GALNT15: variants seen among roughly 807,000 people sequenced by gnomAD.
GALNT15 encodes the protein UDP-GalNAc transferase T15.
A neutral mutation model predicts 66.8 loss-of-function variants in GALNT15; 67 were observed. The ratio of observed to expected loss-of-function variants is 1.00; its 90% confidence interval spans 0.82 to 1.23. The LOEUF (loss-of-function observed/expected upper bound fraction) is 1.23. Among genes scored for constraint, GALNT15 ranks in the 50% most tolerant of loss-of-function variants. The pLI, the probability that GALNT15 is intolerant of heterozygous loss-of-function variation, is 0.00. For synonymous variants in GALNT15, 313 were observed against 311.5 expected, an observed-to-expected ratio of 1.00 and a Z score of -0.05; for missense variants, 827 against 804.3, an observed-to-expected ratio of 1.03 and a Z score of -0.34.
At position 16,203,574 on chromosome 3, in the gene GALNT15, CACACACACACACACAG is replaced by C. The variant is rs1484305025; in HGVS notation, c.911+2752_911+2767del. Among the ~76,000 whole-genome samples, 22 of 150,370 alleles carry C rather than the reference CACACACACACACACAG, an allele frequency of 1.5e-4. No homozygotes were observed. Among genetic ancestry groups the C allele is most frequent in the South Asian group, 4.3e-4 (2 of 4,634 alleles). On this transcript the variant is annotated intron_variant, in intron 3 of 9. Coordinates refer to ENST00000339732, the MANE Select transcript of GALNT15 (RefSeq NM_054110.5). This position sits in a 1 kb window ranked among gnomAD's most constrained non-coding sequence, Gnocchi z 6.2. ...ACACACACACACACACACACACACA[CACACACACACACACAG>C]TGGGCCTCTGATCCTGGTGTGTTAC...
At chr3:16,205,960 G>A (rs2063752211) in intron 3 of GALNT15, among the ~76,000 whole-genome samples, 1 of 152,164 alleles carries the variant, frequency 6.6e-6, no homozygotes, top group East Asian at 1.9e-4. Context: ...GGGTAATACA[G>A]TTATTAGAAG....
rs1313366291 is a variant in GALNT15, at chr3:16,203,541, T to TCACACACACA, written c.911+2719_911+2720insACACACACAC. On this transcript the variant is annotated intron_variant, in intron 3 of 9. Coordinates refer to ENST00000339732, the MANE Select transcript of GALNT15 (RefSeq NM_054110.5). The surrounding 1 kb of genome is among the most constrained non-coding windows in gnomAD (Gnocchi z 6.2). The stretch of plus-strand genomic sequence containing the variant: ...CTCATTCTCTCTCTCTCTCTCTCTC[T>TCACACACACA]CTCACACACACACACACACACACAC... Among the ~76,000 whole-genome samples, 4 of 58,630 alleles carry TCACACACACA rather than the reference T, an allele frequency of 6.8e-5. No individual in the cohort carries two copies. The highest frequency in any genetic ancestry group is 2.1e-4 in the African/African-American group (4 of 18,778). The allele number at this position is 58,630 out of a possible 152,430, so 38.5% of individuals were successfully genotyped here.
In GALNT15 at chr3:16,222,613, A is replaced by C; in HGVS notation, c.1630-2A>C. ...CGCTAACAACTATTGCTTCTGTCAC[A>C]GTACCTGCAGCACACCAGCAGGAAG... On this transcript the variant is annotated splice_acceptor_variant, in intron 8 of 9. Transcript: ENST00000339732. LOFTEE classifies it high-confidence loss of function. The C allele has an allele frequency of 1.2e-6, 2 of 1,614,224 alleles. No homozygotes were observed. Among genetic ancestry groups the C allele is most frequent in the Non-Finnish European group, 1.7e-6 (2 of 1,180,028 alleles).
rs901058078 is a variant in GALNT15 at position 16,183,399 on chromosome 3, G to T, written c.539+7709G>T. 1.3e-4 allele frequency: 20 copies of T among 152,248 alleles called. No homozygotes were observed. Among genetic ancestry groups the T allele is most frequent in the African/African-American group, 4.8e-4 (20 of 41,452 alleles). 9.4% of individuals were successfully genotyped at this position (152,248 alleles called of 1,614,324 possible). ...AGTTGGTATGGTGTTCCCAAGATAA[G>T]TGCCACCAATTACAGGCAAGCTAGG... On this transcript the variant is annotated intron_variant, in intron 1 of 9. Transcript: ENST00000339732. The surrounding 1 kb of genome is among the most constrained non-coding windows in gnomAD (Gnocchi z 5.2).
intron 9 of GALNT15, among the ~76,000 whole-genome samples, chr3:16,226,526 G>A (rs62233866): frequency 1.3e-5 from 2 of 152,150 alleles, no homozygotes; most frequent in African/African-American, 2.4e-5. Flanking sequence ...CTTACATGGC[G>A]GAGCAAGGGA....
At chr3:16,232,469 A>T (rs201177192), downstream of GALNT15, among the ~76,000 whole-genome samples, 1,093 of 37,948 alleles carry the variant, frequency 0.029, 15 homozygotes, top group Non-Finnish European at 0.035. Context: ...TAAATAAATA[A>T]ATATATATAT....
rs1191078313 is a variant in GALNT15 at position 16,211,195 on chromosome 3, C to G, written c.1151C>G (p.Ser384Cys). ...TTCCAAAACACTGGAGCGTATGACT[C>G]TCTTATGTCGCTGCGAGGTGGTGAA... is the stretch of plus-strand genomic sequence containing the variant. ...HYFQNTGAYD[S>C]LMSLRGGENL... The change falls in exon 5 of 10, where the codon TCT becomes TGT. Residue 384 changes from serine to cysteine, a missense_variant. Ser to Cys is a moderately radical substitution (Grantham distance 112). Coordinates refer to ENST00000339732, the MANE Select transcript of GALNT15 (RefSeq NM_054110.5). The surrounding 1 kb of genome is among the most constrained non-coding windows in gnomAD (Gnocchi z 4.3). 6.2e-7 allele frequency: 1 copy of G among 1,613,852 alleles called. No individual in the cohort carries two copies. Among genetic ancestry groups the G allele is most frequent in the African/African-American group, 1.3e-5 (1 of 74,918 alleles).
At position 16,200,889 on chromosome 3, in the gene GALNT15, C is replaced by T. The variant is rs2063693462; in HGVS notation, c.911+66C>T. The T allele has an allele frequency of 3.1e-6, 4 of 1,286,538 alleles. 1 individual carries two copies. The African/African-American group carries it at 6.0e-5, about 19-fold the overall frequency. 79.7% of individuals were successfully genotyped at this position (1,286,538 alleles called of 1,614,324 possible). On this transcript the variant is annotated intron_variant, in intron 3 of 9. Transcript: ENST00000339732. The surrounding 1 kb of genome is among the most constrained non-coding windows in gnomAD (Gnocchi z 4.4). ...GGGAGAAACAGTCTACAGCATCAGC[C>T]ACTCACAGAGCAACCCACCTATTAA...
chr3:16,232,506 ATATATTTATT>A (rs1412048147), downstream of GALNT15, among the ~76,000 whole-genome samples: 340 of 83,364 alleles, frequency 4.1e-3, 41 homozygotes, highest in Admixed American at 0.017. Flanking sequence ...ATATATATAT[ATATATTTATT>A]TAAAAGAGAC....
rs2063924341 is a variant in GALNT15 at position 16,219,957 on chromosome 3, G to T, written c.1572G>T (p.Gly524=). 2.5e-6 allele frequency: 4 copies of T among 1,614,210 alleles called. No individual in the cohort carries two copies. The highest frequency in any genetic ancestry group is 3.4e-6 in the Non-Finnish European group (4 of 1,180,022). Residue 524 remains glycine (G), a synonymous_variant, in exon 8 of 10, where the codon GGG becomes GGT. Transcript: ENST00000339732. This position sits in a 1 kb window ranked among gnomAD's most constrained non-coding sequence, Gnocchi z 4.3. ...TCTGTGCAGACTGCCAGGCAGAAGG[G>T]GACATCCTGGGCTGTCCCATGGTGT... ...LGLCADCQAE[G]DILGCPMVLA... is the part of the protein sequence containing the mutation.
Position 16,195,937 on chromosome 3 carries a change from C to A in GALNT15, c.706+11C>A. Reference sequence around the variant, plus strand: ...ACCTCAGCCAGCAAGGTAGCCACGGCTTTCCTCCAGGCTCGTCTGGGTGAG... The same window carrying A: ...ACCTCAGCCAGCAAGGTAGCCACGGATTTCCTCCAGGCTCGTCTGGGTGAG... On this transcript the variant is annotated intron_variant, in intron 2 of 9. Coordinates refer to ENST00000339732, the MANE Select transcript of GALNT15 (RefSeq NM_054110.5). This position sits in a 1 kb window ranked among gnomAD's most constrained non-coding sequence, Gnocchi z 4.6. 1 of 1,613,810 alleles carries A rather than the reference C, an allele frequency of 6.2e-7. No homozygotes were observed. The highest frequency in any genetic ancestry group is 8.5e-7 in the Non-Finnish European group (1 of 1,179,824).
At chr3:16,179,622 T>TA (rs1358678009) in intron 1 of GALNT15, among the ~76,000 whole-genome samples, 2 of 152,120 alleles carry the variant, frequency 1.3e-5, no homozygotes, top group Non-Finnish European at 2.9e-5. Context: ...AGGGAGACCC[T>TA]AAAAATCCCC....
At position 16,219,048 on chromosome 3, in the gene GALNT15, TCAA is replaced by T. The variant is rs1309017857; in HGVS notation, c.1393-354_1393-352del. ...CCAGGCTGGTCTTGAACTCCTGACCTCAAGTGATCCACCAGCCTCGGCCTCCCA... is the reference window on the plus strand; with the variant it reads ...CCAGGCTGGTCTTGAACTCCTGACCTGTGATCCACCAGCCTCGGCCTCCCA... On this transcript the variant is annotated intron_variant, in intron 6 of 9. Coordinates refer to ENST00000339732, the MANE Select transcript of GALNT15 (RefSeq NM_054110.5). This position sits in a 1 kb window ranked among gnomAD's most constrained non-coding sequence, Gnocchi z 4.3. Among the ~76,000 whole-genome samples the T allele has an allele frequency of 6.6e-6, 1 of 152,102 alleles. No homozygotes were observed. The highest frequency in any genetic ancestry group is 1.5e-5 in the Non-Finnish European group (1 of 68,006).
intron 3 of GALNT15, among the ~76,000 whole-genome samples, chr3:16,207,144 G>T (rs185196413): frequency 2.8e-4 from 43 of 152,250 alleles, no homozygotes; most frequent in Non-Finnish European, 2.8e-4. Flanking sequence ...GTTACCTAAA[G>T]CCATAGATTA....
Position 16,198,350 on chromosome 3 carries a change from G to A in GALNT15, c.707-2269G>A, listed in dbSNP as rs558715670. Among the ~76,000 whole-genome samples the A allele has an allele frequency of 3.3e-5, 4 of 122,308 alleles. 1 individual carries two copies. In the South Asian group the frequency reaches 9.3e-4, roughly 28 times the overall value. 80.2% of individuals were successfully genotyped at this position (122,308 alleles called of 152,430 possible). On this transcript the variant is annotated intron_variant, in intron 2 of 9. Coordinates refer to ENST00000339732, the MANE Select transcript of GALNT15 (RefSeq NM_054110.5). ...GAGGCCAGTCCGGTTTGTGCTCTTC[G>A]GAAAAAAAAAATTAGTAAAATAATA...
In GALNT15 at chr3:16,219,022, G is replaced by T. The variant is rs572696487; in HGVS notation, c.1393-381G>T. On this transcript the variant is annotated intron_variant, in intron 6 of 9. Transcript: ENST00000339732. The surrounding 1 kb of genome is among the most constrained non-coding windows in gnomAD (Gnocchi z 4.3). Reference sequence around the variant, plus strand: ...GTAGAGATGGGGTTTCACCATGTTGGCCAGGCTGGTCTTGAACTCCTGACC... The same window carrying T: ...GTAGAGATGGGGTTTCACCATGTTGTCCAGGCTGGTCTTGAACTCCTGACC... 3.3e-5 allele frequency among the ~76,000 whole-genome samples: 5 copies of T among 152,046 alleles called. No individual in the cohort carries two copies. In the South Asian group the frequency reaches 1.0e-3, roughly 32 times the overall value.
rs370154365 is a variant in GALNT15, at chr3:16,186,426, AC to A, written c.540-9332del. ...ATGGAGCTATCATATGGCCAGTAATACCAGTCCTAGGTATATACTCAAGAAA... is the reference window on the plus strand; with the variant it reads ...ATGGAGCTATCATATGGCCAGTAATACAGTCCTAGGTATATACTCAAGAAA... On this transcript the variant is annotated intron_variant, in intron 1 of 9. Transcript: ENST00000339732. The surrounding 1 kb of genome is among the most constrained non-coding windows in gnomAD (Gnocchi z 5.1). 2.6e-4 allele frequency among the ~76,000 whole-genome samples: 39 copies of A among 152,350 alleles called. No individual in the cohort carries two copies. The East Asian group carries it at 4.4e-3, about 17-fold the overall frequency.
chr3:16,207,591 A>T (rs2063771589), intron 3 of GALNT15, among the ~76,000 whole-genome samples: 1 of 128,250 alleles, frequency 7.8e-6, no homozygotes, highest in South Asian at 2.6e-4. Flanking sequence ...CAAATAACCC[A>T]AAATAGTCAG....
rs7612233 is a variant in GALNT15, at chr3:16,181,938, C to T, written c.539+6248C>T. On this transcript the variant is annotated intron_variant, in intron 1 of 9. Coordinates refer to ENST00000339732, the MANE Select transcript of GALNT15 (RefSeq NM_054110.5). The surrounding 1 kb of genome is among the most constrained non-coding windows in gnomAD (Gnocchi z 5.9). Reference sequence around the variant, plus strand: ...CTCTGGACCTCCACTCTGGATCCATCACCCCGCAGTGGGGTTGCAGCGTAG... The same window carrying T: ...CTCTGGACCTCCACTCTGGATCCATTACCCCGCAGTGGGGTTGCAGCGTAG... Among the ~76,000 whole-genome samples, 133,299 of 152,148 alleles carry T rather than the reference C, an allele frequency of 0.88. 58,821 individuals carry two copies. Among genetic ancestry groups the T allele is most frequent in the East Asian group, 1 (5,143 of 5,156 alleles).
Sources: allele counts gnomAD v4.1 joint callset (sites outside exome capture counted in the v4.1 genomes callset), GRCh38; gene constraint gnomAD v4.1.1; non-coding constraint Gnocchi (gnomAD v3.1); transcripts MANE v1.5; gene names NCBI Gene and HGNC (gene_info 2026-07-23, HGNC 2026-07-21).